COL28A1: variants seen among roughly 807,000 people sequenced by gnomAD.
COL28A1 encodes collagen type XXVIII alpha 1 chain, also known as collagen alpha-1(XXVIII) chain.
COL28A1 carries 161 observed loss-of-function variants against 150.2 expected under a neutral mutation model. The observed-to-expected ratio is 1.07, with a 90% CI of 0.94 to 1.22. COL28A1 has a LOEUF of 1.22. Among genes scored for constraint, COL28A1 ranks in the 50% most tolerant of loss-of-function variants. The pLI, the probability that COL28A1 is intolerant of heterozygous loss-of-function variation, is 0.00. For missense variants in COL28A1, 1,617 were observed against 1,388.3 expected (o/e 1.16, Z -2.62); for synonymous variants, 552 against 469.7 (o/e 1.18, Z -2.26).
intron 27 of COL28A1, 56 bp from the exon 28 acceptor site, chr7:7,381,668 T>G (rs528705287): frequency 6.5e-5 from 90 of 1,385,200 alleles, no homozygotes; most frequent in Non-Finnish European, 8.7e-5. Flanking sequence ...AGCTTGGCTA[T>G]TCTTTGGGTC....
At chr7:7,445,311 G>C (rs570111230) in intron 18 of COL28A1, among the ~76,000 whole-genome samples, 1 of 152,264 alleles carries the variant, frequency 6.6e-6, no homozygotes, top group South Asian at 2.1e-4. Flanking sequence ...GCAAAGACTG[G>C]AGTGAGCGTC....
Position 7,415,565 on chromosome 7 carries a change from ACT to A in COL28A1, c.2136+2292_2136+2293del, listed in dbSNP as rs201944057. ...TGTTTGTTTTTTGAGACAGAGTCTA[ACT>A]CTGTTGCCCAGGCAGGAGTGCAGTG... On this transcript the variant is annotated intron_variant, in intron 27 of 34. Transcript: ENST00000399429. 5.4e-3 allele frequency among the ~76,000 whole-genome samples: 822 copies of A among 152,162 alleles called. 11 individuals carry two copies. Among genetic ancestry groups the A allele is most frequent in the African/African-American group, 0.019 (790 of 41,536 alleles).
chr7:7,444,274 G>T lies in COL28A1; in HGVS notation c.1581+144C>A, dbSNP rs946206402. The stretch of plus-strand genomic sequence containing the variant: ...CCACTCCTTCTCTCAGGGAGAAGTG[G>T]AAAGGGACATTTGGGATTGTGAGAT... On this transcript the variant is annotated intron_variant, in intron 19 of 34. Coordinates refer to ENST00000399429, the MANE Select transcript of COL28A1 (RefSeq NM_001037763.3). 3.6e-6 allele frequency: 4 copies of T among 1,101,658 alleles called. No homozygotes were observed. The African/African-American group carries it at 6.3e-5, about 17-fold the overall frequency. 68.2% of individuals were successfully genotyped at this position (1,101,658 alleles called of 1,614,324 possible).
At chr7:7,403,012 A>G (rs932160584) in intron 27 of COL28A1, among the ~76,000 whole-genome samples, 2 of 152,166 alleles carry the variant, frequency 1.3e-5, no homozygotes, top group African/African-American at 4.8e-5. Flanking sequence ...ACTATCTCAC[A>G]GTCTGGTGGT....
At chr7:7,425,075 AAAT>A (rs1784584642) in intron 25 of COL28A1, among the ~76,000 whole-genome samples, 1 of 151,808 alleles carries the variant, frequency 6.6e-6, no homozygotes, top group African/African-American at 2.4e-5. Context: ...CTATTATAAT[AAAT>A]AATAAATAAA....
intron 25 of COL28A1, among the ~76,000 whole-genome samples, chr7:7,423,337 A>C (rs1784479745): frequency 6.6e-6 from 1 of 152,222 alleles, no homozygotes; most frequent in Non-Finnish European, 1.5e-5. Context: ...CTTAATTTTC[A>C]TAATTGTTTT....
downstream of COL28A1, among the ~76,000 whole-genome samples, chr7:7,351,435 G>A (rs771335346): frequency 2.9e-4 from 44 of 152,192 alleles, no homozygotes; most frequent in Non-Finnish European, 5.9e-4. Context: ...CCTTGGCAGA[G>A]ATAATAACCT....
intron 11 of COL28A1, among the ~76,000 whole-genome samples, chr7:7,505,760 A>G (rs991914921): frequency 6.6e-6 from 1 of 152,262 alleles, no homozygotes; most frequent in African/African-American, 2.4e-5. Flanking sequence ...AAGGAAACAC[A>G]GCAAAGATTC....
At chr7:7,345,485 T>A in the COL28A1 span, among the ~76,000 whole-genome samples, 4 of 152,060 alleles carry the variant, frequency 2.6e-5, no homozygotes, top group Admixed American at 6.6e-5. Context: ...CTGGTATAAT[T>A]TTCCTTTAGG....
At chr7:7,377,133 T>G (rs1781598270) in intron 30 of COL28A1, among the ~76,000 whole-genome samples, 1 of 152,230 alleles carries the variant, frequency 6.6e-6, no homozygotes, top group East Asian at 1.9e-4. Context: ...AATATTTGCT[T>G]TTTATTCACT....
chr7:7,344,927 A>T, the COL28A1 span, among the ~76,000 whole-genome samples: 3 of 152,060 alleles, frequency 2.0e-5, no homozygotes, highest in African/African-American at 7.2e-5. Context: ...AAATTGAGTT[A>T]TTACAGCGCA....
At chr7:7,367,523 G>T (rs1254287862) in intron 33 of COL28A1, among the ~76,000 whole-genome samples, 1 of 152,136 alleles carries the variant, frequency 6.6e-6, no homozygotes, top group Non-Finnish European at 1.5e-5. Flanking sequence ...CTGGGTCAAA[G>T]TTCCCCTAGA....
rs138088131 is a variant in COL28A1, at chr7:7,457,074, C to T, written c.1303-962G>A. Among the ~76,000 whole-genome samples the T allele has an allele frequency of 3.2e-4, 48 of 152,154 alleles. 1 individual carries two copies. The highest frequency in any genetic ancestry group is 2.2e-3 in the Admixed American group (33 of 15,280). On this transcript the variant is annotated intron_variant, in intron 15 of 34. Coordinates refer to ENST00000399429, the MANE Select transcript of COL28A1 (RefSeq NM_001037763.3). Reference sequence around the variant, plus strand: ...GTGGAACCATCTCCATGAGGGAGAGCGGTAGACAATGAAGTCAGAGAATTA... The same window carrying T: ...GTGGAACCATCTCCATGAGGGAGAGTGGTAGACAATGAAGTCAGAGAATTA...
At chr7:7,497,041 AGGAG>A (rs1019058132) in intron 11 of COL28A1, among the ~76,000 whole-genome samples, 11 of 139,254 alleles carry the variant, frequency 7.9e-5, no homozygotes, top group African/African-American at 1.5e-4. Flanking sequence ...AAGGAAGGAA[AGGAG>A]GGAGGGAGGG....
chr7:7,395,136 A>T (rs1473318642), intron 27 of COL28A1, among the ~76,000 whole-genome samples: 2 of 152,142 alleles, frequency 1.3e-5, no homozygotes, highest in African/African-American at 4.8e-5. Context: ...TACTAAAAAT[A>T]CCAAAAATTA....
chr7:7,405,380 T>C (rs960746991), intron 27 of COL28A1, among the ~76,000 whole-genome samples: 1 of 152,210 alleles, frequency 6.6e-6, no homozygotes, highest in Non-Finnish European at 1.5e-5. Flanking sequence ...GGAAGATTTA[T>C]TTCTTTCTAA....
intron 5 of COL28A1, among the ~76,000 whole-genome samples, chr7:7,520,501 T>C (rs985291682): frequency 3.9e-5 from 6 of 152,236 alleles, no homozygotes; most frequent in Non-Finnish European, 8.8e-5. Flanking sequence ...ATTCCCTCTG[T>C]CACTCACTTT....
downstream of COL28A1, among the ~76,000 whole-genome samples, chr7:7,354,474 C>G (rs1245350742): frequency 3.9e-5 from 6 of 152,146 alleles, no homozygotes; most frequent in Middle Eastern, 0.014. Context: ...AGGGTGTCCT[C>G]AAAAAGCAAC....
chr7:7,409,625 C>A (rs1165642006), intron 27 of COL28A1, among the ~76,000 whole-genome samples: 1 of 152,144 alleles, frequency 6.6e-6, no homozygotes, highest in Non-Finnish European at 1.5e-5. Context: ...TATTCAGAAT[C>A]AGCACATGGT....
Sources: gnomAD v4.1 joint callset for allele counts (sites outside exome capture counted in the v4.1 genomes callset) on GRCh38, gnomAD v4.1.1 for gene constraint, MANE v1.5 for transcripts, NCBI Gene and HGNC (gene_info 2026-07-23, HGNC 2026-07-21) for gene names.